The following DIAPH2 variants were observed in gnomAD, a reference collection of about 807,000 sequenced individuals.
DIAPH2 encodes the protein diaphanous related formin 2.
In DIAPH2, 35 loss-of-function variants were observed where a neutral mutation model predicts 92.7. The observed-to-expected ratio is 0.38, with a 90% CI of 0.29 to 0.50. The LOEUF (loss-of-function observed/expected upper bound fraction) is 0.50, where lower values mean the gene tolerates loss of function less well. Among genes scored for constraint, DIAPH2 ranks in the 20% least tolerant of loss-of-function variants. The pLI is 0.94. For synonymous variants in DIAPH2, 301 were observed against 280.4 expected, an observed-to-expected ratio of 1.07 and a Z score of -0.73; for missense variants, 701 against 819.5, an observed-to-expected ratio of 0.86 and a Z score of 1.77.
intron 17 of DIAPH2, among the ~76,000 whole-genome samples, chrX:97,023,309 G>A (rs898252643): frequency 9.1e-6 from 1 of 109,758 alleles, no homozygotes; most frequent in Non-Finnish European, 1.9e-5. Flanking sequence ...TCATGGTTTG[G>A]GTATCATTCT....
intron 5 of DIAPH2, among the ~76,000 whole-genome samples, chrX:96,886,320 A>G (rs2065261817): frequency 9.1e-6 from 1 of 109,853 alleles, no homozygotes; most frequent in Non-Finnish European, 1.9e-5. Flanking sequence ...TATATTTTAT[A>G]TATGTATATT....
chrX:97,013,860 A>G (rs2066243233), intron 17 of DIAPH2, among the ~76,000 whole-genome samples: 1 of 111,972 alleles, frequency 8.9e-6, no homozygotes, highest in Non-Finnish European at 1.9e-5. Flanking sequence ...AAGAAGTAAG[A>G]TAACTAAAAC....
At chrX:97,486,614 T>C (rs1381945111) in intron 26 of DIAPH2, among the ~76,000 whole-genome samples, 1 of 111,713 alleles carries the variant, frequency 9.0e-6, no homozygotes, top group Non-Finnish European at 1.9e-5. Context: ...GCTAGTGATA[T>C]ATTTACACAT....
intron 22 of DIAPH2, among the ~76,000 whole-genome samples, chrX:97,210,311 T>C (rs1462651042): frequency 8.9e-6 from 1 of 112,149 alleles, no homozygotes; most frequent in Admixed American, 9.5e-5. Context: ...AACCTTTCGA[T>C]GATAGTGTTT....
At chrX:97,186,835 A>T (rs183129496) in intron 22 of DIAPH2, among the ~76,000 whole-genome samples, 7 of 111,206 alleles carry the variant, frequency 6.3e-5, no homozygotes, top group Admixed American at 5.8e-4. Context: ...CTTTGCCTTG[A>T]CTCCTCATTT....
intron 22 of DIAPH2, among the ~76,000 whole-genome samples, chrX:97,144,748 ATTTCTTTCTTTC>A (rs199738516): frequency 3.8e-5 from 4 of 104,083 alleles, no homozygotes; most frequent in Admixed American, 2.1e-4. Flanking sequence ...GACACTATAA[ATTTCTTTCTTTC>A]TTTCTTTCTT....
intron 23 of DIAPH2, among the ~76,000 whole-genome samples, chrX:97,289,764 G>A (rs756120763): frequency 3.8e-5 from 4 of 106,263 alleles, no homozygotes; most frequent in East Asian, 2.9e-4. Context: ...TTGCTCTGTC[G>A]CCCAGGCTGT....
chrX:96,746,948 TCTC>T lies in DIAPH2; in HGVS notation c.342+8190_342+8192del, dbSNP rs752680651. Among the ~76,000 whole-genome samples the T allele has an allele frequency of 2.6e-3, 296 of 112,045 alleles. 4 individuals carry two copies. Among genetic ancestry groups the T allele is most frequent in the African/African-American group, 8.9e-3 (274 of 30,878 alleles). On this transcript the variant is annotated intron_variant, in intron 3 of 26. Transcript: ENST00000324765. Reference sequence around the variant, plus strand: ...CCTCTAATTAGGATTGGATGAAATATCTCCTCAATTCCACTTTAAATGTAAGGA... The same window carrying T: ...CCTCTAATTAGGATTGGATGAAATATCTCAATTCCACTTTAAATGTAAGGA...
intron 26 of DIAPH2, among the ~76,000 whole-genome samples, chrX:97,444,073 C>T (rs2070285446): frequency 1.8e-5 from 2 of 111,679 alleles, no homozygotes; most frequent in African/African-American, 6.5e-5. Flanking sequence ...AGATCTTTCT[C>T]GTTTAAGGGT....
At chrX:97,447,942 C>T (rs758309492) in intron 26 of DIAPH2, among the ~76,000 whole-genome samples, 12 of 111,879 alleles carry the variant, frequency 1.1e-4, no homozygotes, top group Middle Eastern at 4.6e-3. Context: ...TTAAATATCA[C>T]GCTATTTAAG....
intron 23 of DIAPH2, among the ~76,000 whole-genome samples, chrX:97,295,075 C>T (rs902844097): frequency 1.5e-4 from 17 of 111,264 alleles, no homozygotes; most frequent in African/African-American, 5.2e-4. Context: ...TCCTTAACCC[C>T]CGAACTCAGT....
At chrX:97,402,515 G>A (rs2069768105) in intron 25 of DIAPH2, among the ~76,000 whole-genome samples, 1 of 111,736 alleles carries the variant, frequency 8.9e-6, no homozygotes, top group African/African-American at 3.3e-5. Context: ...TAGATAACAA[G>A]TAAACATGTC....
intron 19 of DIAPH2, among the ~76,000 whole-genome samples, chrX:97,097,953 T>C (rs1164354595): frequency 3.6e-5 from 4 of 112,144 alleles, no homozygotes; most frequent in Non-Finnish European, 7.5e-5. Flanking sequence ...TCAGTATTCA[T>C]ATATGTGGTT....
At chrX:97,219,718 C>T (rs966891929) in intron 22 of DIAPH2, among the ~76,000 whole-genome samples, 3 of 111,614 alleles carry the variant, frequency 2.7e-5, no homozygotes, top group Non-Finnish European at 5.6e-5. Flanking sequence ...GGAAGTACAG[C>T]GCTGAAGAGA....
intron 17 of DIAPH2, among the ~76,000 whole-genome samples, chrX:96,970,391 T>A (rs191213884): frequency 1.7e-4 from 19 of 111,419 alleles, no homozygotes; most frequent in African/African-American, 3.6e-4. Context: ...CATTTTTTTT[T>A]AATTTAAATT....
intron 4 of DIAPH2, among the ~76,000 whole-genome samples, chrX:96,851,511 A>G (rs1266965512): frequency 8.9e-6 from 1 of 112,107 alleles, no homozygotes; most frequent in Admixed American, 9.4e-5. Flanking sequence ...TAGTATTTGC[A>G]TATAACCTGT....
At chrX:96,806,916 A>G (rs1309380301) in intron 4 of DIAPH2, among the ~76,000 whole-genome samples, 1 of 108,533 alleles carries the variant, frequency 9.2e-6, no homozygotes, top group Non-Finnish European at 1.9e-5. Context: ...AATTTTTTGT[A>G]TTTTCTTAGT....
At chrX:97,160,444 T>C (rs1198409097) in intron 22 of DIAPH2, among the ~76,000 whole-genome samples, 1 of 112,281 alleles carries the variant, frequency 8.9e-6, no homozygotes, top group African/African-American at 3.2e-5. Context: ...CAAACCTAGT[T>C]GGATTTTATT....
At chrX:97,263,896 AG>A (rs2068311072) in intron 23 of DIAPH2, among the ~76,000 whole-genome samples, 1 of 94,303 alleles carries the variant, frequency 1.1e-5, no homozygotes, top group African/African-American at 3.9e-5. Context: ...TCCAACTGTT[AG>A]TTTTTTATTT....
Sources: gnomAD v4.1 joint callset for allele counts (sites outside exome capture counted in the v4.1 genomes callset) on GRCh38, gnomAD v4.1.1 for gene constraint, MANE v1.5 for transcripts, NCBI Gene and HGNC (gene_info 2026-07-23, HGNC 2026-07-21) for gene names.